The following TRIM2 variants were observed in gnomAD, a reference collection of about 807,000 sequenced individuals.
TRIM2 encodes tripartite motif-containing protein 2.
A neutral mutation model predicts 75.2 loss-of-function variants in TRIM2; 20 were observed. That is an observed-to-expected ratio of 0.27 (90% confidence interval 0.19 to 0.39). The LOEUF is 0.39. Among genes scored for constraint, TRIM2 ranks in the 10% least tolerant of loss-of-function variants. TRIM2 has a pLI of 1.00. For missense variants in TRIM2, 660 were observed against 990.8 expected (o/e 0.67, Z 4.48); for synonymous variants, 373 against 388.3 (o/e 0.96, Z 0.46).
At chr4:153,193,693 TTC>T (rs1450181642) in intron 1 of TRIM2, among the ~76,000 whole-genome samples, 3 of 152,204 alleles carry the variant, frequency 2.0e-5, no homozygotes, top group African/African-American at 7.2e-5. Flanking sequence ...GTGTGGCCTA[TTC>T]TGAGTCTGCT....
At chr4:153,176,325 C>T (rs1731430656) in intron 1 of TRIM2, among the ~76,000 whole-genome samples, 1 of 151,722 alleles carries the variant, frequency 6.6e-6, no homozygotes, top group Non-Finnish European at 1.5e-5. Flanking sequence ...CAGTGATGTG[C>T]ACTTGTAATT....
chr4:153,335,691 C>T lies in TRIM2; in HGVS notation c.*725C>T, dbSNP rs1772370230. On this transcript the variant is annotated 3_prime_UTR_variant, in exon 12 of 12. Transcript: ENST00000338700. ...CAGGGAAACCTGAAATTTCTAATGCCTTGAAAAGCATATTACAAAAGTAAT... is the reference window on the plus strand; with the variant it reads ...CAGGGAAACCTGAAATTTCTAATGCTTTGAAAAGCATATTACAAAAGTAAT... The T allele has an allele frequency of 2.0e-6, 2 of 985,386 alleles. No homozygotes were observed. Among genetic ancestry groups the T allele is most frequent in the Admixed American group, 1.2e-4 (2 of 16,254 alleles). The allele number at this position is 985,386 out of a possible 1,614,324, so 61.0% of individuals were successfully genotyped here.
chr4:153,197,803 G>A lies in TRIM2; in HGVS notation c.-49+44533G>A, dbSNP rs148508331. 2.8e-3 allele frequency among the ~76,000 whole-genome samples: 420 copies of A among 152,240 alleles called. 5 individuals carry two copies. The highest frequency in any genetic ancestry group is 9.2e-3 in the African/African-American group (381 of 41,534). On this transcript the variant is annotated intron_variant, in intron 1 of 11. Transcript: ENST00000437508. The stretch of plus-strand genomic sequence containing the variant: ...CAGGAGAATTGCTTGAACCCAGAAG[G>A]CAGAGGTTCTAGTGAGCCAAGATTG...
At chr4:153,229,350 G>A (rs190751195) in intron 1 of TRIM2, among the ~76,000 whole-genome samples, 6 of 152,194 alleles carry the variant, frequency 3.9e-5, no homozygotes, top group Admixed American at 1.3e-4. Flanking sequence ...TGCAACCTCC[G>A]CCTCCCGGGT....
intron 1 of TRIM2, among the ~76,000 whole-genome samples, chr4:153,265,961 G>C (rs1399143961): frequency 1.3e-5 from 2 of 152,106 alleles, no homozygotes; most frequent in Non-Finnish European, 2.9e-5. Context: ...GATGTCATAG[G>C]GATGTGGTTA....
intron 1 of TRIM2, among the ~76,000 whole-genome samples, chr4:153,221,978 GGAA>G (rs1560835668): frequency 3.8e-3 from 212 of 55,478 alleles, no homozygotes; most frequent in South Asian, 0.011. Flanking sequence ...AAGGGAGGAA[GGAA>G]GGAAGGGAGA....
Position 153,336,292 on chromosome 4 carries a change from AT to A in TRIM2, c.*1330del. The A allele has an allele frequency of 2.0e-6, 2 of 984,274 alleles. No individual in the cohort carries two copies. The highest frequency in any genetic ancestry group is 2.4e-6 in the Non-Finnish European group (2 of 829,656). The allele number at this position is 984,274 out of a possible 1,614,324, so 61.0% of individuals were successfully genotyped here. A position where few individuals can be genotyped will look rare whatever the true frequency, so the allele number is the denominator to read the frequency against. ...CCCTAAAGCAGATTTAATTTTTGCC[AT>A]TTTCCAAGAATGACGGTGGTGGCTT... On this transcript the variant is annotated 3_prime_UTR_variant, in exon 12 of 12. Transcript: ENST00000338700.
chr4:153,321,487 A>G (rs527514632), intron 8 of TRIM2, among the ~76,000 whole-genome samples: 2 of 152,382 alleles, frequency 1.3e-5, no homozygotes, highest in Non-Finnish European at 2.9e-5. Flanking sequence ...AAAATTTAAA[A>G]TACGGTATAT....
chr4:153,190,365 A>C (rs187806867), intron 1 of TRIM2, among the ~76,000 whole-genome samples: 22 of 152,372 alleles, frequency 1.4e-4, no homozygotes, highest in African/African-American at 4.8e-4. Flanking sequence ...TCATTACAGT[A>C]AGTAACATTT....
chr4:153,313,155 C>G (rs1293388038), intron 6 of TRIM2, among the ~76,000 whole-genome samples: 3 of 152,124 alleles, frequency 2.0e-5, no homozygotes, highest in African/African-American at 7.3e-5. Flanking sequence ...TTTCCTGCTC[C>G]CCACTACCAG....
chr4:153,203,631 C>G (rs563337346), upstream of TRIM2, among the ~76,000 whole-genome samples: 18 of 151,922 alleles, frequency 1.2e-4, no homozygotes, highest in African/African-American at 4.4e-4. Flanking sequence ...GTGGCACACT[C>G]CTGTAATCCC....
chr4:153,231,586 A>G (rs1192525368), intron 1 of TRIM2, among the ~76,000 whole-genome samples: 1 of 152,128 alleles, frequency 6.6e-6, no homozygotes, highest in African/African-American at 2.4e-5. Flanking sequence ...CATTGAGGTG[A>G]AATAAGGAGG....
At chr4:153,195,172 G>T (rs1044293280) in intron 1 of TRIM2, among the ~76,000 whole-genome samples, 2 of 152,166 alleles carry the variant, frequency 1.3e-5, no homozygotes, top group Non-Finnish European at 1.5e-5. Flanking sequence ...TAGAGGGAAG[G>T]CCATGTGAAG....
chr4:153,282,618 GT>G (rs1022961122), intron 3 of TRIM2, among the ~76,000 whole-genome samples: 3 of 151,962 alleles, frequency 2.0e-5, no homozygotes, highest in Non-Finnish European at 4.4e-5. Flanking sequence ...TTGTTTGTTT[GT>G]TTTTTTGTTT....
chr4:153,324,509 T>TAA, intron 10 of TRIM2: 1 of 204,640 alleles, frequency 4.9e-6, no homozygotes, highest in Non-Finnish European at 9.6e-6. Context: ...ATCTTTTTGT[T>TAA]AAAAAAAAAA....
At chr4:153,272,908 C>T (rs1288719493) in intron 2 of TRIM2, among the ~76,000 whole-genome samples, 3 of 152,314 alleles carry the variant, frequency 2.0e-5, no homozygotes, top group Middle Eastern at 3.4e-3. Context: ...GGCGCTATCT[C>T]GGCTCACCGC....
At chr4:153,277,429 T>A (rs532221560) in intron 3 of TRIM2, among the ~76,000 whole-genome samples, 1 of 152,352 alleles carries the variant, frequency 6.6e-6, no homozygotes, top group African/African-American at 2.4e-5. Flanking sequence ...GCTGTGTATT[T>A]GTGTACTTAT....
intron 11 of TRIM2, among the ~76,000 whole-genome samples, chr4:153,332,645 CAAAAAAA>C (rs796430920): frequency 1.1e-5 from 1 of 90,076 alleles, no homozygotes; most frequent in East Asian, 2.9e-4. Context: ...AATTTCGTCT[CAAAAAAA>C]AAAAAAGAAA....
At chr4:153,245,299 A>G (rs570417809) in intron 1 of TRIM2, among the ~76,000 whole-genome samples, 3 of 152,354 alleles carry the variant, frequency 2.0e-5, no homozygotes, top group African/African-American at 7.2e-5. Flanking sequence ...GGTTTTTGCT[A>G]TCCTTGGGTT....
Sources: allele counts gnomAD v4.1 joint callset (sites outside exome capture counted in the v4.1 genomes callset), GRCh38; gene constraint gnomAD v4.1.1; transcripts MANE v1.5; gene names NCBI Gene and HGNC (gene_info 2026-07-23, HGNC 2026-07-21).